RBM18: variants seen among roughly 807,000 people sequenced by gnomAD.
The protein encoded by RBM18 is probable RNA-binding protein 18.
Under a neutral mutation model 26.4 loss-of-function variants are expected in RBM18, and 18 were observed. The ratio of observed to expected loss-of-function variants is 0.68; its 90% CI spans 0.47 to 1.01. RBM18 has a LOEUF of 1.01. Among genes scored for constraint, RBM18 ranks in the 50% least tolerant of loss-of-function variants. The pLI, the probability that RBM18 is intolerant of heterozygous loss-of-function variation, is 0.00. For synonymous variants in RBM18, 74 were observed against 81.1 expected, an observed-to-expected ratio of 0.91 and a Z score of 0.47; for missense variants, 180 against 219.2, an observed-to-expected ratio of 0.82 and a Z score of 1.13.
chr9:122,256,147 CT>C (rs1279861469), intron 2 of RBM18, among the ~76,000 whole-genome samples: 4 of 152,282 alleles, frequency 2.6e-5, no homozygotes, highest in Non-Finnish European at 5.9e-5. Context: ...GAAATTCAGG[CT>C]TGTCTGAATG....
intron 1 of RBM18, among the ~76,000 whole-genome samples, chr9:122,262,304 T>C (rs1252903670): frequency 1.3e-5 from 2 of 152,222 alleles, no homozygotes; most frequent in African/African-American, 4.8e-5. Context: ...TTAACAGCTG[T>C]TGGCCTCAGT....
At chr9:122,243,060 C>T (rs1831447187) in intron 5 of RBM18, among the ~76,000 whole-genome samples, 1 of 152,154 alleles carries the variant, frequency 6.6e-6, no homozygotes, top group Non-Finnish European at 1.5e-5. Flanking sequence ...AATCTCTTGA[C>T]CTCGTGATCC....
In RBM18 at chr9:122,261,257, C is replaced by T. The variant is rs1292747512; in HGVS notation, c.113+123G>A. The stretch of plus-strand genomic sequence containing the variant: ...ACAGGCTAACAACATCTTATCTCTC[C>T]GAAGACACGATGTAAGTAAAAGGGT... On this transcript the variant is annotated intron_variant, in intron 2 of 5. Transcript: ENST00000417201. 6 of 677,520 alleles carry T rather than the reference C, an allele frequency of 8.9e-6. No homozygotes were observed. In the Admixed American group the frequency reaches 1.0e-4, roughly 12 times the overall value. 42.0% of individuals were successfully genotyped at this position (677,520 alleles called of 1,614,324 possible). A position where few individuals can be genotyped will look rare whatever the true frequency, so the allele number is the denominator to read the frequency against.
At chr9:122,263,356 C>T (rs1831864584) in intron 1 of RBM18, among the ~76,000 whole-genome samples, 1 of 152,248 alleles carries the variant, frequency 6.6e-6, no homozygotes, top group Non-Finnish European at 1.5e-5. Context: ...AGCTCTTGTT[C>T]TTACCTCCTG....
chr9:122,241,062 T>TATAAAAACAATCCCATGCA lies in RBM18; in HGVS notation c.*803_*821dup, dbSNP rs1831408352. ...AATTCCAAACAGAACATTCTCATGCTATAAAAACAATCCCATGCAATAAAT... is the reference window on the plus strand; with the variant it reads ...AATTCCAAACAGAACATTCTCATGCTATAAAAACAATCCCATGCAATAAAAACAATCCCATGCAATAAAT... On this transcript the variant is annotated 3_prime_UTR_variant, in exon 6 of 6. Transcript: ENST00000417201. 1 of 152,236 alleles carries TATAAAAACAATCCCATGCA rather than the reference T, an allele frequency of 6.6e-6. No homozygotes were observed. Among genetic ancestry groups the TATAAAAACAATCCCATGCA allele is most frequent in the South Asian group, 2.1e-4 (1 of 4,836 alleles). The allele number at this position is 152,236 out of a possible 1,614,324, so 9.4% of individuals were successfully genotyped here. A position where few individuals can be genotyped will look rare whatever the true frequency, so the allele number is the denominator to read the frequency against.
Position 122,251,936 on chromosome 9 carries a change from C to T in RBM18, c.151G>A (p.Val51Ile), listed in dbSNP as rs760666889. 4.3e-6 allele frequency: 7 copies of T among 1,614,156 alleles called. No homozygotes were observed. The highest frequency in any genetic ancestry group is 5.9e-6 in the Non-Finnish European group (7 of 1,179,998). The change falls in exon 3 of 6, where the codon GTA (valine) becomes ATA (isoleucine). Residue 51 changes from valine (V) to isoleucine (I), a missense_variant. Val to Ile is a conservative substitution (Grantham distance 29). This residue lies in a region of RBM18 where 49 missense variants were observed against 56.6 expected (regional missense o/e 0.87). Coordinates refer to ENST00000417201, the MANE Select transcript of RBM18 (RefSeq NM_033117.4). ...TGGAAGAGGAAGTCAAACTGCTTTA[C>T]CTTGCCAAACTTCTGGAGGAGCTTG... is the stretch of plus-strand genomic sequence containing the variant. ...LLKLLQKFGK[V>I]KQFDFLFHKS...
At chr9:122,243,704 T>G in intron 5 of RBM18, 1 of 985,006 alleles carries the variant, frequency 1.0e-6, no homozygotes, top group Non-Finnish European at 1.2e-6. Context: ...GCGAGAAATT[T>G]AAAAACTAAG....
rs550090080 is a variant in RBM18, at chr9:122,245,716, G to A, written c.328-375C>T. On this transcript the variant is annotated intron_variant, in intron 4 of 5. Coordinates refer to ENST00000417201, the MANE Select transcript of RBM18 (RefSeq NM_033117.4). ...AAACTGGCCAGGCGCGGTGGCTCAC[G>A]CCTGTAATCCCAGCACTTTGGGAGG... Among the ~76,000 whole-genome samples, 37 of 152,070 alleles carry A rather than the reference G, an allele frequency of 2.4e-4. No homozygotes were observed. In the South Asian group the frequency reaches 3.9e-3, roughly 16 times the overall value.
chr9:122,243,658 C>T (rs1331465536), intron 5 of RBM18: 1 of 861,228 alleles, frequency 1.2e-6, no homozygotes, highest in African/African-American at 1.8e-5. Flanking sequence ...GGAGTATATA[C>T]ATGGGCTTTT....
intron 3 of RBM18, among the ~76,000 whole-genome samples, chr9:122,250,215 C>T (rs1417019550): frequency 1.3e-5 from 2 of 152,040 alleles, no homozygotes; most frequent in African/African-American, 4.8e-5. Flanking sequence ...CCAGCACTGG[C>T]AAGGAGAAAT....
intron 5 of RBM18, among the ~76,000 whole-genome samples, chr9:122,244,336 A>T (rs552899080): frequency 6.6e-6 from 1 of 152,264 alleles, no homozygotes; most frequent in Admixed American, 6.5e-5. Context: ...CCACCCAAAT[A>T]GGCATCACTT....
intron 3 of RBM18, among the ~76,000 whole-genome samples, chr9:122,248,708 C>G (rs567090396): frequency 6.6e-6 from 1 of 152,340 alleles, no homozygotes; most frequent in East Asian, 1.9e-4. Flanking sequence ...TCCTGCCAAA[C>G]CTTCTTTGCC....
chr9:122,254,027 C>CAA (rs561923338), intron 2 of RBM18, among the ~76,000 whole-genome samples: 1 of 86,824 alleles, frequency 1.2e-5, no homozygotes, highest in African/African-American at 4.3e-5. Context: ...GATTCCGTCT[C>CAA]AAAAAAAAAA....
chr9:122,256,242 T>G (rs182732674), intron 2 of RBM18, among the ~76,000 whole-genome samples: 165 of 152,352 alleles, frequency 1.1e-3, no homozygotes, highest in Admixed American at 2.7e-3. Context: ...CAAACTTTGC[T>G]TAAGTCAGAA....
rs532827394 is a variant in RBM18, at chr9:122,237,634, C to T, written c.*4250G>A. The T allele has an allele frequency of 6.6e-6, 1 of 152,358 alleles. No individual in the cohort carries two copies. Among genetic ancestry groups the T allele is most frequent in the South Asian group, 2.1e-4 (1 of 4,830 alleles). The allele number at this position is 152,358 out of a possible 1,614,324, so 9.4% of individuals were successfully genotyped here. ...CTAAGAAACAATATTCGGTGCACAT[C>T]ATTCTGACATCTGTTGCTTTTATTC... On this transcript the variant is annotated 3_prime_UTR_variant, in exon 6 of 6. Transcript: ENST00000417201.
intron 2 of RBM18, among the ~76,000 whole-genome samples, chr9:122,256,896 TAAG>T (rs1400064119): frequency 6.6e-6 from 1 of 152,176 alleles, no homozygotes; most frequent in Non-Finnish European, 1.5e-5. Context: ...ATTCTATAGG[TAAG>T]AAATTATTAC....
intron 1 of RBM18, among the ~76,000 whole-genome samples, chr9:122,262,749 A>C (rs564348423): frequency 1.2e-3 from 181 of 151,962 alleles, no homozygotes; most frequent in Middle Eastern, 3.4e-3. Context: ...AAGCCTGTCT[A>C]ATTTTTGTAT....
At chr9:122,257,507 G>A (rs1831717499) in intron 2 of RBM18, among the ~76,000 whole-genome samples, 1 of 152,156 alleles carries the variant, frequency 6.6e-6, no homozygotes, top group Admixed American at 6.5e-5. Flanking sequence ...TAATATTAGA[G>A]TGCTAGACAG....
chr9:122,258,822 C>A (rs569938268), intron 2 of RBM18, among the ~76,000 whole-genome samples: 2 of 148,516 alleles, frequency 1.3e-5, no homozygotes, highest in South Asian at 2.1e-4. Flanking sequence ...TGGTGGCGAG[C>A]ACCTGTAGTC....
Sources: gnomAD v4.1 joint callset for allele counts (sites outside exome capture counted in the v4.1 genomes callset) on GRCh38, gnomAD v4.1.1 for gene constraint, gnomAD v4.1.1 regional missense constraint, MANE v1.5 for transcripts, NCBI Gene and HGNC (gene_info 2026-07-23, HGNC 2026-07-21) for gene names.